The following SOX6 variants were observed in gnomAD, a reference collection of about 807,000 sequenced individuals.
SOX6 encodes the protein SRY-box transcription factor 6.
SOX6 carries 11 observed loss-of-function variants against 97.8 expected under a neutral mutation model. The observed-to-expected ratio is 0.11, with a 90% CI of 0.07 to 0.19. SOX6 has a LOEUF of 0.19. Ranked by LOEUF, SOX6 falls within the 10% of genes least tolerant of loss-of-function variation. The pLI, the probability that SOX6 is intolerant of heterozygous loss-of-function variation, is 1.00. For missense variants in SOX6, 810 were observed against 1,039.5 expected (o/e 0.78, Z 3.04); for synonymous variants, 360 against 371.4 (o/e 0.97, Z 0.35).
chr11:16,733,265 G>T (rs1244392718), intron 2 of SOX6, among the ~76,000 whole-genome samples: 1 of 152,134 alleles, frequency 6.6e-6, no homozygotes, highest in African/African-American at 2.4e-5. Flanking sequence ...GTACTTTAAA[G>T]ACAGATGCAC....
At chr11:16,018,926 C>T (rs958699588) in intron 12 of SOX6, among the ~76,000 whole-genome samples, 26 of 152,092 alleles carry the variant, frequency 1.7e-4, no homozygotes, top group African/African-American at 4.8e-4. Context: ...CTGAAGAAAA[C>T]GGCTAGCAAT....
chr11:16,710,191 A>T (rs796749577), intron 3 of SOX6, among the ~76,000 whole-genome samples: 10 of 152,352 alleles, frequency 6.6e-5, no homozygotes, highest in African/African-American at 2.4e-4. Flanking sequence ...AACATCTTGA[A>T]GGGAGAGATA....
At chr11:16,293,546 A>T (rs1314175813) in intron 3 of SOX6, among the ~76,000 whole-genome samples, 1 of 152,112 alleles carries the variant, frequency 6.6e-6, no homozygotes, top group Non-Finnish European at 1.5e-5. Context: ...CAACAAGCAG[A>T]TTATCAGAGG....
At chr11:16,097,080 G>A (rs1848816002) in intron 8 of SOX6, among the ~76,000 whole-genome samples, 1 of 151,776 alleles carries the variant, frequency 6.6e-6, no homozygotes, top group Admixed American at 6.6e-5. Context: ...AAACACCAAT[G>A]CAAAATTTAT....
chr11:16,498,582 C>T (rs982369768), intron 4 of SOX6, among the ~76,000 whole-genome samples: 1 of 152,066 alleles, frequency 6.6e-6, no homozygotes, highest in African/African-American at 2.4e-5. Flanking sequence ...TGCAGAGACA[C>T]ACATAGGCTC....
At chr11:16,022,184 G>C (rs1428095541) in intron 12 of SOX6, among the ~76,000 whole-genome samples, 3 of 152,090 alleles carry the variant, frequency 2.0e-5, no homozygotes, top group Non-Finnish European at 4.4e-5. Flanking sequence ...TTCTGTTAAA[G>C]ATATTACTTA....
intron 6 of SOX6, among the ~76,000 whole-genome samples, chr11:16,161,827 T>C (rs1850758603): frequency 6.6e-6 from 1 of 152,218 alleles, no homozygotes; most frequent in South Asian, 2.1e-4. Flanking sequence ...TGTGTTTCTC[T>C]GCCATTCACT....
intron 3 of SOX6, among the ~76,000 whole-genome samples, chr11:16,254,918 T>A (rs1393029582): frequency 6.6e-6 from 1 of 151,744 alleles, no homozygotes; most frequent in Non-Finnish European, 1.5e-5. Context: ...TAGATTAAAA[T>A]AAGAGATGGA....
intron 4 of SOX6, among the ~76,000 whole-genome samples, chr11:16,527,914 A>G (rs934572879): frequency 2.0e-5 from 3 of 152,164 alleles, no homozygotes; most frequent in Non-Finnish European, 2.9e-5. Context: ...AAAATTGGTA[A>G]AAGAAATGGT....
At chr11:16,176,066 CGGACGGAT>C (rs1438933599) in intron 6 of SOX6, among the ~76,000 whole-genome samples, 3 of 116,068 alleles carry the variant, frequency 2.6e-5, no homozygotes, top group African/African-American at 9.6e-5. Context: ...GACAGACGGA[CGGACGGAT>C]GGATGGATGG....
At chr11:16,148,249 T>G (rs1022385630) in intron 6 of SOX6, among the ~76,000 whole-genome samples, 17 of 152,140 alleles carry the variant, frequency 1.1e-4, no homozygotes, top group Admixed American at 9.8e-4. Context: ...CTTCATTGTT[T>G]GAATAATATG....
chr11:16,692,560 C>T (rs578183784), intron 3 of SOX6, among the ~76,000 whole-genome samples: 1 of 152,302 alleles, frequency 6.6e-6, no homozygotes, highest in Non-Finnish European at 1.5e-5. Flanking sequence ...ACAAAAGACT[C>T]TCTATTTAGA....
chr11:15,978,742 T>TTATA lies in SOX6; in HGVS notation c.2184-5634_2184-5631dup, dbSNP rs201126910. Among the ~76,000 whole-genome samples the TTATA allele has an allele frequency of 2.8e-5, 4 of 142,210 alleles. 1 individual carries two copies. The highest frequency in any genetic ancestry group is 1.0e-4 in the African/African-American group (4 of 39,076). 93.3% of individuals were successfully genotyped at this position (142,210 alleles called of 152,430 possible). A position where few individuals can be genotyped will look rare whatever the true frequency, so the allele number is the denominator to read the frequency against. ...AATTCTAGACTCATTATAATGCTTATTATATATATATATGAGTCTAGAATT... is the reference window on the plus strand; with the variant it reads ...AATTCTAGACTCATTATAATGCTTATTATATATATATATATATGAGTCTAGAATT... On this transcript the variant is annotated intron_variant, in intron 15 of 15. Transcript: ENST00000683767.
chr11:16,214,050 A>G (rs549998117), intron 4 of SOX6, among the ~76,000 whole-genome samples: 9 of 152,334 alleles, frequency 5.9e-5, no homozygotes, highest in East Asian at 3.9e-4. Context: ...AATGTTCTAC[A>G]TCTATGCTGC....
intron 1 of SOX6, among the ~76,000 whole-genome samples, chr11:16,428,148 A>T (rs2133072955): frequency 6.6e-6 from 1 of 152,244 alleles, no homozygotes; most frequent in East Asian, 1.9e-4. Flanking sequence ...GTGTCTGTTG[A>T]TATCCTTCGC....
At chr11:16,233,850 T>C (rs149981037) in intron 4 of SOX6, among the ~76,000 whole-genome samples, 2,128 of 151,282 alleles carry the variant, frequency 0.014, 53 homozygotes, top group African/African-American at 0.048. Context: ...CCACTAAAAA[T>C]ACAAAAATTA....
intron 12 of SOX6, among the ~76,000 whole-genome samples, chr11:16,030,892 C>T (rs904130006): frequency 1.3e-5 from 2 of 152,272 alleles, no homozygotes; most frequent in South Asian, 4.1e-4. Flanking sequence ...TTGAGTCTAC[C>T]TCATTCCAAT....
chr11:16,552,104 CA>C (rs34633917), intron 4 of SOX6, among the ~76,000 whole-genome samples: 58,113 of 151,722 alleles, frequency 0.38, 12,322 homozygotes, highest in Non-Finnish European at 0.46. Context: ...TGTATACAGA[CA>C]ACCACTATAG....
At chr11:16,495,326 T>C (rs1342756871) in intron 4 of SOX6, among the ~76,000 whole-genome samples, 3 of 152,140 alleles carry the variant, frequency 2.0e-5, no homozygotes, top group South Asian at 2.1e-4. Flanking sequence ...CATTCTGCCA[T>C]GAGCCTGGAA....
Sources: gnomAD v4.1 joint callset for allele counts (sites outside exome capture counted in the v4.1 genomes callset) on GRCh38, gnomAD v4.1.1 for gene constraint, MANE v1.5 for transcripts, NCBI Gene and HGNC (gene_info 2026-07-23, HGNC 2026-07-21) for gene names.